The following FAM178B variants were observed in gnomAD, a reference collection of about 807,000 sequenced individuals.
FAM178B encodes family with sequence similarity 178 member B.
FAM178B carries 82 observed loss-of-function variants against 91.7 expected under a neutral mutation model. The ratio of observed to expected loss-of-function variants is 0.89; its 90% CI spans 0.75 to 1.07. FAM178B has a LOEUF of 1.07. Ranked by LOEUF, FAM178B falls within the 50% of genes least tolerant of loss-of-function variation. FAM178B has a pLI of 0.00. For synonymous variants in FAM178B, 368 were observed against 359.4 expected, an observed-to-expected ratio of 1.02 and a Z score of -0.27; for missense variants, 769 against 846.7, an observed-to-expected ratio of 0.91 and a Z score of 1.14.
chr2:96,950,194 T>C (rs1224765852), intron 7 of FAM178B: 2 of 984,780 alleles, frequency 2.0e-6, no homozygotes, highest in Non-Finnish European at 2.4e-6. Context: ...ATGGGTCCTT[T>C]GTGCCTCCCA....
intron 12 of FAM178B, among the ~76,000 whole-genome samples, chr2:96,913,450 C>T (rs925367095): frequency 5.9e-5 from 9 of 152,070 alleles, no homozygotes; most frequent in South Asian, 4.1e-4. Context: ...GACCCAGGGC[C>T]GGGCAGTGGT....
In FAM178B at chr2:96,921,536, A is replaced by G; in HGVS notation, c.1406T>C (p.Val469Ala). 1 of 1,551,672 alleles carries G rather than the reference A, an allele frequency of 6.4e-7. No individual in the cohort carries two copies. Among genetic ancestry groups the G allele is most frequent in the Non-Finnish European group, 8.7e-7 (1 of 1,147,000 alleles). ...LDVGLRLLPK[V>A]DLQQLLLLLL... ...CAAGAGGAGAAGCTGCTGGAGGTCA[A>G]CTTTGGGCAGCAGGCGGAGCCCCAC... The change falls in exon 11 of 17, where the codon GTT (valine) becomes GCT (alanine). Residue 469 changes from valine to alanine, a missense_variant. Physicochemically the swap from Val to Ala is moderately conservative, Grantham distance 64. Coordinates refer to ENST00000490605, the MANE Select transcript of FAM178B (RefSeq NM_001122646.3).
intron 12 of FAM178B, among the ~76,000 whole-genome samples, chr2:96,915,588 C>T (rs959899540): frequency 3.3e-5 from 5 of 151,502 alleles, no homozygotes; most frequent in African/African-American, 4.8e-5. Flanking sequence ...GAGGGCGAGG[C>T]GGGCAGATCA....
At chr2:96,900,253 A>G (rs895818870) in intron 13 of FAM178B, among the ~76,000 whole-genome samples, 1 of 151,878 alleles carries the variant, frequency 6.6e-6, no homozygotes, top group Non-Finnish European at 1.5e-5. Context: ...TCCCAGCAAC[A>G]CCGCTGGGTC....
chr2:96,968,475 C>T lies in FAM178B; in HGVS notation c.627-848G>A, dbSNP rs2082175306. 3.9e-5 allele frequency among the ~76,000 whole-genome samples: 6 copies of T among 152,150 alleles called. 1 individual carries two copies. In the South Asian group the frequency reaches 1.0e-3, roughly 26 times the overall value. ...CTCCCCAGCCCCTGTCTGGTCCCTC[C>T]AGGTGCCCACCCTGGTTGGGCCCAT... is the stretch of plus-strand genomic sequence containing the variant. On this transcript the variant is annotated intron_variant, in intron 4 of 16. Coordinates refer to ENST00000490605, the MANE Select transcript of FAM178B (RefSeq NM_001122646.3).
intron 16 of FAM178B, among the ~76,000 whole-genome samples, chr2:96,877,243 C>T (rs575195340): frequency 6.6e-6 from 1 of 152,278 alleles, no homozygotes. Context: ...TTCAGGCCCA[C>T]AGCACAAGTG....
intron 3 of FAM178B, among the ~76,000 whole-genome samples, chr2:96,971,307 T>C: frequency 7.5e-6 from 1 of 133,328 alleles, no homozygotes; most frequent in African/African-American, 2.8e-5. Flanking sequence ...TCCCTCTCTC[T>C]CTCCTTCCCT....
At chr2:96,943,147 C>A (rs536283576) in intron 8 of FAM178B, among the ~76,000 whole-genome samples, 1 of 152,192 alleles carries the variant, frequency 6.6e-6, no homozygotes, top group South Asian at 2.1e-4. Context: ...TGGACTTCAC[C>A]AAAATTTTAA....
At chr2:96,975,766 C>A (rs2082280359) in intron 1 of FAM178B, among the ~76,000 whole-genome samples, 1 of 152,214 alleles carries the variant, frequency 6.6e-6, no homozygotes, top group East Asian at 1.9e-4. Flanking sequence ...ACATGTTACA[C>A]TAAATGTACC....
chr2:96,936,585 C>G (rs1408579837), intron 8 of FAM178B, among the ~76,000 whole-genome samples: 1 of 150,804 alleles, frequency 6.6e-6, no homozygotes, highest in African/African-American at 2.4e-5. Context: ...TCTTGGCTCA[C>G]TGCAACCTCT....
intron 16 of FAM178B, among the ~76,000 whole-genome samples, chr2:96,877,229 C>G (rs1173863839): frequency 4.6e-5 from 7 of 152,128 alleles, no homozygotes; most frequent in African/African-American, 1.4e-4. Flanking sequence ...AGCAGGAGAC[C>G]AGCTTCAGGC....
intron 10 of FAM178B, 105 bp downstream of exon 10, chr2:96,923,385 C>T: frequency 3.4e-6 from 3 of 877,728 alleles, no homozygotes; most frequent in Non-Finnish European, 5.5e-6. Context: ...TGCCATGGTG[C>T]TGAGCTCGCC....
intron 12 of FAM178B, among the ~76,000 whole-genome samples, chr2:96,905,852 A>ATGTGTGTGTG (rs1553498456): frequency 3.6e-5 from 1 of 27,760 alleles, no homozygotes; most frequent in Non-Finnish European, 5.8e-5. Context: ...ATATATATAT[A>ATGTGTGTGTG]TATATATATT....
At chr2:96,981,690 G>A (rs1478402114) in intron 1 of FAM178B, among the ~76,000 whole-genome samples, 6 of 147,534 alleles carry the variant, frequency 4.1e-5, no homozygotes, top group South Asian at 4.3e-4. Context: ...GCAGTGAGCC[G>A]AGATGGCGCC....
chr2:96,916,482 G>A (rs2081242790), intron 12 of FAM178B, among the ~76,000 whole-genome samples: 1 of 152,220 alleles, frequency 6.6e-6, no homozygotes, highest in Admixed American at 6.5e-5. Context: ...ATAGCCGCAG[G>A]CAGTGAAGGA....
intron 3 of FAM178B, 117 bp from the exon 4 acceptor site, chr2:96,970,894 CTA>C (rs2082208680): frequency 7.5e-6 from 6 of 796,234 alleles, no homozygotes; most frequent in Non-Finnish European, 1.2e-5. Flanking sequence ...TGAAAAGATA[CTA>C]TGTTTACAGG....
intron 8 of FAM178B, among the ~76,000 whole-genome samples, chr2:96,945,737 C>T (rs1014770032): frequency 6.6e-6 from 1 of 152,202 alleles, no homozygotes; most frequent in African/African-American, 2.4e-5. Flanking sequence ...GAAATGCTTC[C>T]TGAAATGGCA....
At chr2:96,967,697 G>A in intron 4 of FAM178B, 70 bp from the exon 5 acceptor site, 4 of 1,094,932 alleles carry the variant, frequency 3.7e-6, no homozygotes, top group Non-Finnish European at 5.4e-6. Flanking sequence ...TCACTGGGCT[G>A]CAGGTGTTGC....
At chr2:96,879,660 G>A (rs1294693460) in intron 14 of FAM178B, among the ~76,000 whole-genome samples, 1 of 152,238 alleles carries the variant, frequency 6.6e-6, no homozygotes, top group African/African-American at 2.4e-5. Flanking sequence ...CCCACACAAC[G>A]GCTAAGGCCC....
Sources: allele counts gnomAD v4.1 joint callset (sites outside exome capture counted in the v4.1 genomes callset), GRCh38; gene constraint gnomAD v4.1.1; transcripts MANE v1.5; gene names NCBI Gene and HGNC (gene_info 2026-07-23, HGNC 2026-07-21).